IFI6: variants seen among roughly 807,000 people sequenced by gnomAD.
IFI6 encodes interferon alpha inducible protein 6.
In IFI6, 10 loss-of-function variants were observed where a neutral mutation model predicts 12.7. The ratio of observed to expected loss-of-function variants is 0.79; its 90% confidence interval spans 0.49 to 1.33. IFI6 has a LOEUF of 1.33. Ranked by LOEUF, IFI6 falls within the 40% of genes most tolerant of loss-of-function variation. The pLI is 0.00. For synonymous variants in IFI6, 89 were observed against 86.2 expected, an observed-to-expected ratio of 1.03 and a Z score of -0.18; for missense variants, 154 against 180.4, an observed-to-expected ratio of 0.85 and a Z score of 0.84.
rs146317021 is a variant in IFI6, at chr1:27,668,519, C to T, written c.87G>A (p.Ser29=). 2.4e-3 allele frequency: 3,831 copies of T among 1,605,208 alleles called. 5 individuals carry two copies. Among genetic ancestry groups the T allele is most frequent in the Non-Finnish European group, 2.9e-3 (3,458 of 1,175,742 alleles). The stretch of plus-strand genomic sequence containing the variant: ...ACCCGGAGCCGCTGTCCGAGCTCTC[C>T]GAGCACTTTTTCTTACCTGCAGGAG... ...SGVEAGKKKC[S]ESSDSGSGFW... is the part of the protein sequence containing the mutation. Residue 29 remains serine, a synonymous_variant, in exon 3 of 5, where the codon TCG becomes TCA. Transcript: ENST00000361157.
At chr1:27,669,215 C>G (rs1557756424) in intron 2 of IFI6, 30 bp downstream of exon 2, 2 of 1,551,104 alleles carry the variant, frequency 1.3e-6, no homozygotes, top group Admixed American at 3.9e-5. Flanking sequence ...TTACCTGTCC[C>G]CTTACCTGCA....
intron 3 of IFI6, 21 bp from the exon 4 acceptor site, chr1:27,668,396 G>T: frequency 1.3e-6 from 2 of 1,576,842 alleles, no homozygotes; most frequent in Non-Finnish European, 1.7e-6. Context: ...AGGAGCAGGT[G>T]AGGGAGCGTC....
At chr1:27,670,608 A>G (rs755512996) in intron 1 of IFI6, among the ~76,000 whole-genome samples, 3 of 152,144 alleles carry the variant, frequency 2.0e-5, no homozygotes, top group Admixed American at 6.5e-5. Context: ...TTCCTTATGG[A>G]TATTACAAAT....
intron 2 of IFI6, 97 bp downstream of exon 2, chr1:27,669,148 C>T: frequency 1.5e-6 from 2 of 1,369,220 alleles, no homozygotes; most frequent in Admixed American, 3.9e-5. Context: ...CGCATCTTTA[C>T]CTGCATCCTT....
chr1:27,669,196 C>T (rs560491558), intron 2 of IFI6, 49 bp downstream of exon 2: 2 of 1,542,828 alleles, frequency 1.3e-6, no homozygotes, highest in Admixed American at 2.0e-5. Flanking sequence ...TGCATCCTTA[C>T]CTGCACCCTT....
chr1:27,668,421 G>A (rs752142784), intron 3 of IFI6, 37 bp downstream of exon 3: 6 of 1,591,330 alleles, frequency 3.8e-6, no homozygotes, highest in Non-Finnish European at 4.3e-6. Context: ...GCAGAGGCCC[G>A]CCCCGCCTGC....
intron 1 of IFI6, among the ~76,000 whole-genome samples, 189 bp downstream of exon 1, chr1:27,671,934 C>T (rs1375989160): frequency 1.3e-5 from 2 of 152,150 alleles, no homozygotes; most frequent in African/African-American, 4.8e-5. Context: ...TTTTGCATCC[C>T]ATCTCCCTAA....
intron 2 of IFI6, 94 bp from the exon 3 acceptor site, chr1:27,668,629 C>CCCCCGCCTCCA: frequency 1.0e-6 from 1 of 953,712 alleles, no homozygotes; most frequent in Non-Finnish European, 1.6e-6. Context: ...CTCCTGGAGG[C>CCCCCGCCTCCA]GGGGGCCACC....
At chr1:27,667,240 C>CAAAAAAA (rs761365595) in intron 4 of IFI6, among the ~76,000 whole-genome samples, 1 of 12,284 alleles carries the variant, frequency 8.1e-5, no homozygotes, top group Non-Finnish European at 2.2e-4. Context: ...CCCGTCTCTA[C>CAAAAAAA]AAAAAAAAAA....
In IFI6 at chr1:27,666,289, C is replaced by CAAAAA. The variant is rs10649401; in HGVS notation, c.*87_*91dup. Reference sequence around the variant, plus strand: ...TGGACAATATAGTGAGAACCCATCTCAAAAAAAAAAAAAAAAAAAAAAAGG... The same window carrying CAAAAA: ...TGGACAATATAGTGAGAACCCATCTCAAAAAAAAAAAAAAAAAAAAAAAAAAAAGG... On this transcript the variant is annotated 3_prime_UTR_variant, in exon 5 of 5. Transcript: ENST00000361157. 2.5e-3 allele frequency: 639 copies of CAAAAA among 254,824 alleles called. 3 individuals are homozygous for CAAAAA. Among genetic ancestry groups the CAAAAA allele is most frequent in the Middle Eastern group, 7.7e-3 (6 of 778 alleles). The allele number at this position is 254,824 out of a possible 1,614,324, so 15.8% of individuals were successfully genotyped here.
intron 4 of IFI6, among the ~76,000 whole-genome samples, chr1:27,667,449 A>G (rs1172286196): frequency 6.6e-6 from 1 of 152,134 alleles, no homozygotes; most frequent in African/African-American, 2.4e-5. Flanking sequence ...AGATTGATCA[A>G]TCGATAGAAG....
chr1:27,669,319 G>T lies in IFI6; in HGVS notation c.-5C>A. ...CGATACCGCCTTCTGCCGCATGGTG[G>T]CGCCGCGCGCGGGCTCCGTCACTAG... On this transcript the variant is annotated 5_prime_UTR_variant, in exon 2 of 5. Transcript: ENST00000361157. The T allele has an allele frequency of 1.9e-6, 3 of 1,552,692 alleles. No homozygotes were observed. The highest frequency in any genetic ancestry group is 2.6e-6 in the Non-Finnish European group (3 of 1,147,402).
intron 2 of IFI6, 77 bp downstream of exon 2, chr1:27,669,168 C>T (rs756938020): frequency 4.1e-6 from 6 of 1,481,228 alleles, no homozygotes; most frequent in Non-Finnish European, 5.5e-6. Flanking sequence ...TACCCGCATC[C>T]TTACCTGCAC....
chr1:27,668,374 T>A lies in IFI6; in HGVS notation c.150A>T (p.Gly50=). 6.4e-7 allele frequency: 1 copy of A among 1,569,884 alleles called. No homozygotes were observed. The highest frequency in any genetic ancestry group is 1.2e-5 in the South Asian group (1 of 86,230). Residue 50 remains glycine (G), a splice_region_variant and synonymous_variant, in exon 4 of 5, where the codon GGA becomes GGT. Transcript: ENST00000361157. ...GCGCGGGCAGCCCGGCGACTGCGAG[T>A]CCTGGAGGAACAGGAGCAGGTGAGG... ...KALTFMAVGG[G]LAVAGLPALG... is the part of the protein sequence containing the mutation.
rs1571430592 is a variant in IFI6 at position 27,666,449 on chromosome 1, C to T, written c.325G>A (p.Gly109Ser). The T allele has an allele frequency of 6.2e-7, 1 of 1,613,920 alleles. No homozygotes were observed. The highest frequency in any genetic ancestry group is 8.5e-7 in the Non-Finnish European group (1 of 1,179,930). ...TAGCCCATCAGGGCACCAATATTAC[C>T]TATGACGACGCTGCTGCCACCAGCC... ...LGAGGSSVVI[G>S]NIGALMGYAT... Residue 109 changes from glycine (G) to serine (S), a missense_variant, in exon 5 of 5, where the codon GGT becomes AGT. Coordinates refer to ENST00000361157, the MANE Select transcript of IFI6 (RefSeq NM_002038.4).
In IFI6 at chr1:27,668,521, A is replaced by G. The variant is rs763642181; in HGVS notation, c.85T>C (p.Ser29Pro). 1.2e-6 allele frequency: 2 copies of G among 1,604,446 alleles called. No individual in the cohort carries two copies. The highest frequency in any genetic ancestry group is 4.5e-5 in the East Asian group (2 of 44,356). ...CCGGAGCCGCTGTCCGAGCTCTCCGAGCACTTTTTCTTACCTGCAGGAGAG... is the reference window on the plus strand; with the variant it reads ...CCGGAGCCGCTGTCCGAGCTCTCCGGGCACTTTTTCTTACCTGCAGGAGAG... Reference protein sequence around the residue: ...SGVEAGKKKCSESSDSGSGFW... With the variant: ...SGVEAGKKKCPESSDSGSGFW... The change falls in exon 3 of 5, where the codon TCG (serine) becomes CCG (proline). Residue 29 changes from serine (S) to proline (P), a missense_variant. Transcript: ENST00000361157.
rs1438111166 is a variant in IFI6 at position 27,666,344 on chromosome 1, A to C, written c.*37T>G. 5 of 910,854 alleles carry C rather than the reference A, an allele frequency of 5.5e-6. No homozygotes were observed. Among genetic ancestry groups the C allele is most frequent in the Non-Finnish European group, 8.5e-6 (5 of 585,482 alleles). The allele number at this position is 910,854 out of a possible 1,614,324, so 56.4% of individuals were successfully genotyped here. A position where few individuals can be genotyped will look rare whatever the true frequency, so the allele number is the denominator to read the frequency against. ...GTTCTAGATCCTAACTGGAAGAGTT[A>C]GGCCAAGAAGGAAGAAGAGGTTCTG... On this transcript the variant is annotated 3_prime_UTR_variant, in exon 5 of 5. Transcript: ENST00000361157.
rs770236208 is a variant in IFI6, at chr1:27,669,222, TGCATCCTTACCC to T, written c.70+11_70+22del. On this transcript the variant is annotated intron_variant, in intron 2 of 4. Transcript: ENST00000361157. Reference sequence around the variant, plus strand: ...CTGCACCCTTACCTGTCCCCTTACCTGCATCCTTACCCGCATTCTCACCTGCCTCCACCCCAC... The same window carrying T: ...CTGCACCCTTACCTGTCCCCTTACCTGCATTCTCACCTGCCTCCACCCCAC... 6.4e-7 allele frequency: 1 copy of T among 1,551,270 alleles called. No homozygotes were observed. Among genetic ancestry groups the T allele is most frequent in the Non-Finnish European group, 8.7e-7 (1 of 1,146,674 alleles).
chr1:27,666,767 GT>G (rs1557754949), intron 4 of IFI6, among the ~76,000 whole-genome samples: 1 of 152,188 alleles, frequency 6.6e-6, no homozygotes, highest in African/African-American at 2.4e-5. Flanking sequence ...CTGTGTGGGT[GT>G]GGGGGGTTCA....
Sources: allele counts gnomAD v4.1 joint callset (sites outside exome capture counted in the v4.1 genomes callset), GRCh38; gene constraint gnomAD v4.1.1; transcripts MANE v1.5; gene names NCBI Gene and HGNC (gene_info 2026-07-23, HGNC 2026-07-21).